CEP112: variants seen among roughly 807,000 people sequenced by gnomAD.
CEP112 encodes centrosomal protein of 112 kDa.
CEP112 carries 127 observed loss-of-function variants against 153.0 expected under a neutral mutation model. That is an observed-to-expected ratio of 0.83 (90% CI 0.72 to 0.96). The LOEUF is 0.96. Among genes scored for constraint, CEP112 ranks in the 40% least tolerant of loss-of-function variants. The probability of loss-of-function intolerance (pLI) is 0.00; values close to 1 mark genes in which losing one functional copy is unlikely to be tolerated. For synonymous variants in CEP112, 358 were observed against 374.4 expected, an observed-to-expected ratio of 0.96 and a Z score of 0.51; for missense variants, 1,089 against 1,101.2, an observed-to-expected ratio of 0.99 and a Z score of 0.16.
chr17:65,743,977 G>C (rs2051287792), intron 22 of CEP112, among the ~76,000 whole-genome samples: 2 of 151,952 alleles, frequency 1.3e-5, no homozygotes, highest in African/African-American at 4.8e-5. Context: ...TGATCAGGCT[G>C]GTCTCGAACT....
intron 8 of CEP112, among the ~76,000 whole-genome samples, chr17:66,090,665 T>C (rs2068098355): frequency 6.6e-6 from 1 of 151,950 alleles, no homozygotes; most frequent in Non-Finnish European, 1.5e-5. Flanking sequence ...AGAAAACAAA[T>C]TACAAAACAG....
At chr17:65,963,046 G>A (rs2062270900) in intron 17 of CEP112, among the ~76,000 whole-genome samples, 4 of 152,162 alleles carry the variant, frequency 2.6e-5, no homozygotes, top group Admixed American at 2.6e-4. Context: ...CTAGGGCTTA[G>A]AGAATACTTC....
At chr17:66,040,481 T>C (rs1283495806) in intron 12 of CEP112, among the ~76,000 whole-genome samples, 2 of 130,516 alleles carry the variant, frequency 1.5e-5, no homozygotes, top group East Asian at 5.0e-4. Flanking sequence ...TGAATTGCCT[T>C]TTCCCTTTTT....
chr17:66,180,540 C>A (rs988742178), intron 2 of CEP112, among the ~76,000 whole-genome samples: 7 of 151,946 alleles, frequency 4.6e-5, no homozygotes, highest in African/African-American at 1.7e-4. Context: ...TCCAATAATA[C>A]CCAGGGATTT....
At chr17:66,000,232 T>A (rs1284844430) in intron 17 of CEP112, among the ~76,000 whole-genome samples, 1 of 132,708 alleles carries the variant, frequency 7.5e-6, no homozygotes, top group Non-Finnish European at 1.6e-5. Flanking sequence ...TGGCATCTGT[T>A]TTTTTTTTGT....
intron 4 of CEP112, among the ~76,000 whole-genome samples, chr17:66,163,940 T>G (rs1163882680): frequency 1.3e-5 from 2 of 152,160 alleles, no homozygotes; most frequent in Non-Finnish European, 2.9e-5. Context: ...AAGAGAAATG[T>G]GACTAAATTG....
At chr17:65,875,020 T>C (rs914164007) in intron 20 of CEP112, among the ~76,000 whole-genome samples, 2 of 152,076 alleles carry the variant, frequency 1.3e-5, no homozygotes, top group Non-Finnish European at 2.9e-5. Context: ...CCACTGACAG[T>C]AGATATATCT....
At chr17:65,817,245 G>C (rs1287396791) in intron 21 of CEP112, among the ~76,000 whole-genome samples, 1 of 151,788 alleles carries the variant, frequency 6.6e-6, no homozygotes, top group Non-Finnish European at 1.5e-5. Context: ...AACAAACATA[G>C]ATATTCAGCA....
At chr17:65,666,577 A>G (rs2046703484) in intron 24 of CEP112, among the ~76,000 whole-genome samples, 1 of 152,238 alleles carries the variant, frequency 6.6e-6, no homozygotes, top group African/African-American at 2.4e-5. Context: ...CAAAGTAGGA[A>G]TTGCAGAGAA....
At chr17:66,052,039 T>C (rs537389867) in intron 12 of CEP112, among the ~76,000 whole-genome samples, 1 of 152,344 alleles carries the variant, frequency 6.6e-6, no homozygotes, top group East Asian at 1.9e-4. Flanking sequence ...TATTTTATAA[T>C]GAAGTATAGG....
intron 16 of CEP112, among the ~76,000 whole-genome samples, chr17:66,027,158 C>T (rs1311662016): frequency 6.6e-6 from 1 of 152,324 alleles, no homozygotes; most frequent in African/African-American, 2.4e-5. Flanking sequence ...GGGCGGATCA[C>T]TTGAGGCCAG....
chr17:65,973,852 A>C (rs1419434172), intron 17 of CEP112, among the ~76,000 whole-genome samples: 1 of 152,182 alleles, frequency 6.6e-6, no homozygotes, highest in East Asian at 1.9e-4. Context: ...TACATAGTTC[A>C]AAATATATGA....
At chr17:65,673,919 C>T (rs1454159956) in intron 24 of CEP112, among the ~76,000 whole-genome samples, 1 of 152,166 alleles carries the variant, frequency 6.6e-6, no homozygotes, top group African/African-American at 2.4e-5. Context: ...CTCCATCACC[C>T]AAGCTGGAGT....
intron 24 of CEP112, among the ~76,000 whole-genome samples, chr17:65,657,358 A>T (rs2046113351): frequency 6.6e-6 from 1 of 152,214 alleles, no homozygotes; most frequent in Non-Finnish European, 1.5e-5. Context: ...TTTAAAGAAG[A>T]GCTGGTACAG....
chr17:66,052,359 A>C (rs1188142585), intron 12 of CEP112, among the ~76,000 whole-genome samples: 1 of 152,200 alleles, frequency 6.6e-6, no homozygotes, highest in Non-Finnish European at 1.5e-5. Context: ...GATGCGATGC[A>C]CTGAACACGG....
At chr17:65,647,790 C>T (rs1484763755) in intron 24 of CEP112, among the ~76,000 whole-genome samples, 3 of 151,956 alleles carry the variant, frequency 2.0e-5, no homozygotes, top group African/African-American at 7.3e-5. Flanking sequence ...GCTTTTGCTA[C>T]TGCTTTTCTA....
chr17:66,079,212 G>C (rs1041970420), intron 8 of CEP112, among the ~76,000 whole-genome samples: 2 of 152,256 alleles, frequency 1.3e-5, no homozygotes, highest in Admixed American at 1.3e-4. Flanking sequence ...GGCTGAAATG[G>C]GTGGATCACC....
At chr17:65,926,133 C>T (rs12942233) in intron 19 of CEP112, among the ~76,000 whole-genome samples, 3,974 of 152,310 alleles carry the variant, frequency 0.026, 75 homozygotes, top group Non-Finnish European at 0.039. Flanking sequence ...TCTTTCCCTT[C>T]ATCTCCTACA....
At chr17:66,025,983 C>CACA (rs201455223) in intron 16 of CEP112, among the ~76,000 whole-genome samples, 7 of 131,840 alleles carry the variant, frequency 5.3e-5, no homozygotes. Flanking sequence ...CACACACACA[C>CACA]CCCATTTGTA....
Sources: gnomAD v4.1 joint callset for allele counts (sites outside exome capture counted in the v4.1 genomes callset) on GRCh38, gnomAD v4.1.1 for gene constraint, MANE v1.5 for transcripts, NCBI Gene and HGNC (gene_info 2026-07-23, HGNC 2026-07-21) for gene names.